GPRIN3: variants seen among roughly 807,000 people sequenced by gnomAD.
The protein encoded by GPRIN3 is G protein-regulated inducer of neurite outgrowth 3.
A neutral mutation model predicts 13.7 loss-of-function variants in GPRIN3; 12 were observed. That is an observed-to-expected ratio of 0.87 (90% confidence interval 0.56 to 1.42). The LOEUF (loss-of-function observed/expected upper bound fraction) is 1.42. Ranked by LOEUF, GPRIN3 falls within the 40% of genes most tolerant of loss-of-function variation. GPRIN3 has a pLI of 0.00. For synonymous variants in GPRIN3, 377 were observed against 372.7 expected (o/e 1.01, Z -0.13); for missense variants, 1,009 against 958.7 (o/e 1.05, Z -0.69).
intron 1 of GPRIN3, among the ~76,000 whole-genome samples, chr4:89,269,280 G>A (rs1723862337): frequency 6.6e-6 from 1 of 152,088 alleles, no homozygotes; most frequent in Non-Finnish European, 1.5e-5. Flanking sequence ...TACTTCAATT[G>A]AGCAATAATG....
chr4:89,264,423 T>G (rs779207538), intron 1 of GPRIN3, among the ~76,000 whole-genome samples: 4 of 152,166 alleles, frequency 2.6e-5, no homozygotes, highest in Non-Finnish European at 5.9e-5. Flanking sequence ...GTGAGTGAAA[T>G]AAACCTCTTT....
chr4:89,272,631 T>C (rs1723989294), intron 1 of GPRIN3, among the ~76,000 whole-genome samples: 1 of 152,202 alleles, frequency 6.6e-6, no homozygotes, highest in South Asian at 2.1e-4. Flanking sequence ...TAATGGAATA[T>C]TTAGGCTATC....
chr4:89,307,334 A>T (rs1381263822), intron 1 of GPRIN3, among the ~76,000 whole-genome samples: 1 of 151,622 alleles, frequency 6.6e-6, no homozygotes, highest in Non-Finnish European at 1.5e-5. Flanking sequence ...TGCAGACCCG[A>T]TTGATTATAA....
At position 89,239,406 on chromosome 4, in the gene GPRIN3, A is replaced by G. The variant is rs949937124; in HGVS notation, c.*8374T>C. The G allele has an allele frequency of 6.6e-6, 1 of 152,208 alleles. No individual in the cohort carries two copies. The highest frequency in any genetic ancestry group is 1.5e-5 in the Non-Finnish European group (1 of 68,030). The allele number at this position is 152,208 out of a possible 1,614,324, so 9.4% of individuals were successfully genotyped here. On this transcript the variant is annotated 3_prime_UTR_variant, in exon 2 of 2. Coordinates refer to ENST00000609438, the MANE Select transcript of GPRIN3 (RefSeq NM_198281.3). ...GAAGCAACCATAAGTATTGACAAACATCAAGATTTCAGGTATGCTGCACTT... is the reference window on the plus strand; with the variant it reads ...GAAGCAACCATAAGTATTGACAAACGTCAAGATTTCAGGTATGCTGCACTT...
Position 89,249,976 on chromosome 4 carries a change from A to T in GPRIN3, c.135T>A (p.Asn45Lys). 5.6e-6 allele frequency: 9 copies of T among 1,614,204 alleles called. No individual in the cohort carries two copies. The South Asian group carries it at 9.9e-5, about 18-fold the overall frequency. The change falls in exon 2 of 2, where the codon AAT becomes AAA. Residue 45 changes from asparagine to lysine, a missense_variant. Transcript: ENST00000609438. ...HRPALLCKNA[N>K]GFSGAPAEPD... ...GTTCTGCAGGGGCACCTGAAAAGCC[A>T]TTGGCATTCTTACACAGGAGAGCTG...
intron 1 of GPRIN3, among the ~76,000 whole-genome samples, chr4:89,291,364 T>A (rs998851748): frequency 2.7e-4 from 41 of 152,122 alleles, no homozygotes; most frequent in African/African-American, 9.9e-4. Flanking sequence ...TCACCTTTAA[T>A]GCAGACCTCT....
In GPRIN3 at chr4:89,236,828, T is replaced by C. The variant is rs1239803071; in HGVS notation, c.*10952A>G. ...CATTGACAAATTGTAAAACTGTGCA[T>C]GTATACATTATACCTCCTAAGGTTG... On this transcript the variant is annotated 3_prime_UTR_variant, in exon 2 of 2. Transcript: ENST00000609438. 2 of 152,226 alleles carry C rather than the reference T, an allele frequency of 1.3e-5. No homozygotes were observed. Among genetic ancestry groups the C allele is most frequent in the Non-Finnish European group, 2.9e-5 (2 of 68,032 alleles). The allele number at this position is 152,226 out of a possible 1,614,324, so 9.4% of individuals were successfully genotyped here. A position where few individuals can be genotyped will look rare whatever the true frequency, so the allele number is the denominator to read the frequency against.
At chr4:89,264,854 A>T (rs1015718966) in intron 1 of GPRIN3, among the ~76,000 whole-genome samples, 2 of 152,094 alleles carry the variant, frequency 1.3e-5, no homozygotes, top group Non-Finnish European at 2.9e-5. Context: ...ACATTTACCC[A>T]TTTATTGTGA....
rs569997292 is a variant in GPRIN3, at chr4:89,250,303, C to T, written c.-123-70G>A. On this transcript the variant is annotated intron_variant, in intron 1 of 1. Coordinates refer to ENST00000609438, the MANE Select transcript of GPRIN3 (RefSeq NM_198281.3). ...AGGATTGAAAAATAAACCAAACTGT[C>T]GTTTTTATAAGAGCACATTAAAAAC... is the stretch of plus-strand genomic sequence containing the variant. 25 of 1,165,166 alleles carry T rather than the reference C, an allele frequency of 2.1e-5. No individual in the cohort carries two copies. The Middle Eastern group carries it at 9.5e-4, about 44-fold the overall frequency. The allele number at this position is 1,165,166 out of a possible 1,614,324, so 72.2% of individuals were successfully genotyped here. A position where few individuals can be genotyped will look rare whatever the true frequency, so the allele number is the denominator to read the frequency against.
rs149983397 is a variant in GPRIN3, at chr4:89,249,899, T to G, written c.212A>C (p.His71Pro). The change falls in exon 2 of 2, where the codon CAT (histidine) becomes CCT (proline). Residue 71 changes from histidine to proline, a missense_variant. Coordinates refer to ENST00000609438, the MANE Select transcript of GPRIN3 (RefSeq NM_198281.3). ...AAEALMQVCE[H>P]ETTQPDMSSP... ...AGACATATCTGGTTGGGTGGTCTCA[T>G]GCTCACAAACCTGCATCAGGGCTTC... The G allele has an allele frequency of 5.0e-6, 8 of 1,614,124 alleles. No homozygotes were observed. The African/African-American group carries it at 8.0e-5, about 16-fold the overall frequency.
intron 1 of GPRIN3, among the ~76,000 whole-genome samples, chr4:89,297,044 C>T (rs1724757295): frequency 6.6e-6 from 1 of 152,198 alleles, no homozygotes; most frequent in Admixed American, 6.5e-5. Context: ...AGTGGTGAAG[C>T]TCATGGCCTT....
chr4:89,261,366 A>G (rs909576362), intron 1 of GPRIN3, among the ~76,000 whole-genome samples: 1 of 152,222 alleles, frequency 6.6e-6, no homozygotes, highest in African/African-American at 2.4e-5. Flanking sequence ...CCTGATTGAA[A>G]GAACCACTGA....
In GPRIN3 at chr4:89,241,062, T is replaced by C. The variant is rs969236455; in HGVS notation, c.*6718A>G. ...ACACGGAGAGGATGTGTGAGGAATG[T>C]AAATTATCCCAGTGGTCAAAGAACT... On this transcript the variant is annotated 3_prime_UTR_variant, in exon 2 of 2. Coordinates refer to ENST00000609438, the MANE Select transcript of GPRIN3 (RefSeq NM_198281.3). The C allele has an allele frequency of 6.6e-6, 1 of 152,200 alleles. No individual in the cohort carries two copies. The highest frequency in any genetic ancestry group is 2.4e-5 in the African/African-American group (1 of 41,448). 9.4% of individuals were successfully genotyped at this position (152,200 alleles called of 1,614,324 possible). A position where few individuals can be genotyped will look rare whatever the true frequency, so the allele number is the denominator to read the frequency against.
chr4:89,281,955 C>CAGTCATCTT (rs1724263105), intron 1 of GPRIN3, among the ~76,000 whole-genome samples: 1 of 148,302 alleles, frequency 6.7e-6, no homozygotes, highest in Admixed American at 6.6e-5. Flanking sequence ...CATTGCTATG[C>CAGTCATCTT]AGTCATCTTT....
chr4:89,270,849 A>G (rs564423236), intron 1 of GPRIN3, among the ~76,000 whole-genome samples: 6 of 152,212 alleles, frequency 3.9e-5, no homozygotes, highest in African/African-American at 1.2e-4. Context: ...GAAAACAAAA[A>G]GTACTATGCA....
At chr4:89,280,628 G>A (rs894690264) in intron 1 of GPRIN3, among the ~76,000 whole-genome samples, 1 of 152,120 alleles carries the variant, frequency 6.6e-6, no homozygotes, top group Non-Finnish European at 1.5e-5. Flanking sequence ...ACCTAGAACC[G>A]GTGAATGTAA....
At chr4:89,292,415 TTAAG>T (rs1260868960) in intron 1 of GPRIN3, among the ~76,000 whole-genome samples, 1 of 152,254 alleles carries the variant, frequency 6.6e-6, no homozygotes, top group Non-Finnish European at 1.5e-5. Context: ...TTACTGGTAC[TTAAG>T]TAAGAAATTA....
chr4:89,263,753 G>GGTCT (rs1387639249), intron 1 of GPRIN3, among the ~76,000 whole-genome samples: 2 of 152,060 alleles, frequency 1.3e-5, no homozygotes, highest in African/African-American at 4.8e-5. Context: ...AAAGGATTAT[G>GGTCT]GTCTTCATTT....
rs75235734 is a variant in GPRIN3 at position 89,240,273 on chromosome 4, G to C, written c.*7507C>G. The C allele has an allele frequency of 6.6e-6, 1 of 152,074 alleles. No individual in the cohort carries two copies. Among genetic ancestry groups the C allele is most frequent in the Non-Finnish European group, 1.5e-5 (1 of 68,012 alleles). The allele number at this position is 152,074 out of a possible 1,614,324, so 9.4% of individuals were successfully genotyped here. ...GTCCATCTTAAGGAACTCAAGACAC[G>C]AGGCAATTTAAGTGCCCTGGAACCC... On this transcript the variant is annotated 3_prime_UTR_variant, in exon 2 of 2. Transcript: ENST00000609438.
Sources: gnomAD v4.1 joint callset for allele counts (sites outside exome capture counted in the v4.1 genomes callset) on GRCh38, gnomAD v4.1.1 for gene constraint, MANE v1.5 for transcripts, NCBI Gene and HGNC (gene_info 2026-07-23, HGNC 2026-07-21) for gene names.